Variants in SMYD3 observed in about 807,000 individuals in gnomAD.
SMYD3 encodes SET and MYND domain containing 3.
In SMYD3, 36 loss-of-function variants were observed where a neutral mutation model predicts 57.7. The observed-to-expected ratio is 0.62, with a 90% CI of 0.48 to 0.82. The LOEUF is 0.82. Ranked by LOEUF, SMYD3 falls within the 40% of genes least tolerant of loss-of-function variation. The pLI is 0.00. For missense variants in SMYD3, 515 were observed against 538.8 expected (o/e 0.96, Z 0.44); for synonymous variants, 211 against 195.0 (o/e 1.08, Z -0.68).
Position 245,749,493 on chromosome 1 carries a change from CAT to C in SMYD3, c.*68_*69del. The C allele has an allele frequency of 8.4e-7, 1 of 1,184,974 alleles. No individual in the cohort carries two copies. The highest frequency in any genetic ancestry group is 1.7e-5 in the Admixed American group (1 of 58,040). 73.4% of individuals were successfully genotyped at this position (1,184,974 alleles called of 1,614,324 possible). On this transcript the variant is annotated 3_prime_UTR_variant, in exon 12 of 12. Transcript: ENST00000490107. ...GGAGAGGTTCACACAGCTAACAAAG[CAT>C]AGAGTGTGTGACCTCAATAAGGCAT...
intron 9 of SMYD3, among the ~76,000 whole-genome samples, 175 bp from the exon 10 acceptor site, chr1:245,858,845 T>C (rs2051389501): frequency 6.6e-6 from 1 of 152,198 alleles, no homozygotes; most frequent in Non-Finnish European, 1.5e-5. Flanking sequence ...AGAAGAGGCA[T>C]CTCAGTGAAG....
intron 8 of SMYD3, among the ~76,000 whole-genome samples, chr1:245,915,070 C>T (rs1428943015): frequency 6.6e-6 from 1 of 152,088 alleles, no homozygotes; most frequent in Admixed American, 6.6e-5. Context: ...AACTGTCTCA[C>T]TAAGTAGGGT....
chr1:246,107,340 T>G (rs1198974168), intron 5 of SMYD3, among the ~76,000 whole-genome samples: 1 of 152,196 alleles, frequency 6.6e-6, no homozygotes, highest in African/African-American at 2.4e-5. Flanking sequence ...ATTTTTCCTT[T>G]CTTTAGAAAA....
intron 5 of SMYD3, among the ~76,000 whole-genome samples, chr1:246,050,701 G>C (rs988233924): frequency 6.6e-6 from 1 of 152,106 alleles, no homozygotes; most frequent in Non-Finnish European, 1.5e-5. Context: ...TTGTTGTGTT[G>C]TACCAGTTGG....
intron 5 of SMYD3, among the ~76,000 whole-genome samples, chr1:246,068,828 T>C (rs2060394134): frequency 6.6e-6 from 1 of 152,220 alleles, no homozygotes; most frequent in Non-Finnish European, 1.5e-5. Flanking sequence ...CAGCCATCCT[T>C]TTGCAAAGCC....
At chr1:246,457,475 G>C (rs1188588039) in intron 1 of SMYD3, among the ~76,000 whole-genome samples, 1 of 143,642 alleles carries the variant, frequency 7.0e-6, no homozygotes, top group Non-Finnish European at 1.5e-5. Context: ...GGAGGGTGCA[G>C]TGAGCTGAGA....
At chr1:246,220,919 T>G (rs1430769867) in intron 5 of SMYD3, among the ~76,000 whole-genome samples, 1 of 151,824 alleles carries the variant, frequency 6.6e-6, no homozygotes, top group Non-Finnish European at 1.5e-5. Context: ...GACTGAGAGC[T>G]GCAGAGATGG....
chr1:246,167,647 A>AT lies in SMYD3; in HGVS notation c.531+159553dup, dbSNP rs547478635. On this transcript the variant is annotated intron_variant, in intron 5 of 11. Transcript: ENST00000490107. Reference sequence around the variant, plus strand: ...TGCCTCGACCTCCCGAGTAGCTGGGATTATAGGCACACCCCACCAGGCCTG... The same window carrying AT: ...TGCCTCGACCTCCCGAGTAGCTGGGATTTATAGGCACACCCCACCAGGCCTG... Among the ~76,000 whole-genome samples the AT allele has an allele frequency of 1.6e-3, 247 of 151,332 alleles. 1 individual carries two copies. Among genetic ancestry groups the AT allele is most frequent in the African/African-American group, 5.6e-3 (229 of 41,162 alleles).
intron 1 of SMYD3, among the ~76,000 whole-genome samples, chr1:246,404,448 CAGACATGA>C (rs1558447743): frequency 6.6e-6 from 1 of 152,224 alleles, no homozygotes; most frequent in Non-Finnish European, 1.5e-5. Flanking sequence ...TAGACAAAGA[CAGACATGA>C]AGACATGGCC....
chr1:246,240,395 G>A (rs2063588240), intron 5 of SMYD3, among the ~76,000 whole-genome samples: 2 of 152,092 alleles, frequency 1.3e-5, no homozygotes, highest in Non-Finnish European at 2.9e-5. Context: ...AAGATCAGAT[G>A]GTTGTAGATG....
At chr1:246,187,492 C>A (rs2062661412) in intron 5 of SMYD3, among the ~76,000 whole-genome samples, 2 of 152,024 alleles carry the variant, frequency 1.3e-5, no homozygotes, top group African/African-American at 4.8e-5. Flanking sequence ...AATTTTTTTT[C>A]TTTTAAAATG....
intron 1 of SMYD3, among the ~76,000 whole-genome samples, chr1:246,476,307 T>C (rs1334904588): frequency 6.6e-6 from 1 of 152,188 alleles, no homozygotes; most frequent in African/African-American, 2.4e-5. Context: ...AGTTAGTAAG[T>C]CTCAGATTCA....
At chr1:246,195,992 T>G (rs2062825924) in intron 5 of SMYD3, among the ~76,000 whole-genome samples, 1 of 152,210 alleles carries the variant, frequency 6.6e-6, no homozygotes, top group African/African-American at 2.4e-5. Context: ...AGGATGATAC[T>G]GTCTTTAAAG....
chr1:245,926,132 G>A (rs773419686), intron 7 of SMYD3, among the ~76,000 whole-genome samples: 7 of 152,146 alleles, frequency 4.6e-5, no homozygotes, highest in Admixed American at 2.6e-4. Context: ...ATCTCATCAT[G>A]GGGTTCCCAC....
chr1:245,771,617 T>C (rs2046341102), intron 10 of SMYD3, among the ~76,000 whole-genome samples: 1 of 152,170 alleles, frequency 6.6e-6, no homozygotes, highest in African/African-American at 2.4e-5. Flanking sequence ...ACAGTGAACA[T>C]TAAAAGGCTT....
At chr1:246,490,414 T>A (rs929212442) in intron 1 of SMYD3, among the ~76,000 whole-genome samples, 2 of 152,236 alleles carry the variant, frequency 1.3e-5, no homozygotes, top group African/African-American at 4.8e-5. Flanking sequence ...AGACATTTAT[T>A]GAACATCCTT....
At chr1:245,797,357 A>G (rs970593701) in intron 10 of SMYD3, among the ~76,000 whole-genome samples, 1 of 152,106 alleles carries the variant, frequency 6.6e-6, no homozygotes, top group South Asian at 2.1e-4. Context: ...ACAAAAAAGG[A>G]TATTTCATGT....
At chr1:246,186,941 G>A in intron 5 of SMYD3, 1 of 985,062 alleles carries the variant, frequency 1.0e-6, no homozygotes, top group Non-Finnish European at 1.2e-6. Flanking sequence ...TTTTCGCTGT[G>A]ACTGAAGAGA....
intron 10 of SMYD3, among the ~76,000 whole-genome samples, chr1:245,782,825 G>GAGT (rs1252164242): frequency 6.6e-6 from 1 of 152,230 alleles, no homozygotes. Flanking sequence ...ACTACCTAAT[G>GAGT]CCAGAGTCTA....
Sources: gnomAD v4.1 joint callset for allele counts (sites outside exome capture counted in the v4.1 genomes callset) on GRCh38, gnomAD v4.1.1 for gene constraint, MANE v1.5 for transcripts, NCBI Gene and HGNC (gene_info 2026-07-23, HGNC 2026-07-21) for gene names.